The following GALNT13 variants were observed in gnomAD, a reference collection of about 807,000 sequenced individuals.
GALNT13 encodes the protein UDP-GalNAc:polypeptide N-acetylgalactosaminyltransferase 13.
A neutral mutation model predicts 64.2 loss-of-function variants in GALNT13; 28 were observed. The observed-to-expected ratio is 0.44, with a 90% CI of 0.32 to 0.60. GALNT13 has a LOEUF of 0.60. Among genes scored for constraint, GALNT13 ranks in the 20% least tolerant of loss-of-function variants. The probability of loss-of-function intolerance (pLI) is 0.05; values close to 1 mark genes in which losing one functional copy is unlikely to be tolerated. For missense variants in GALNT13, 577 were observed against 669.8 expected (o/e 0.86, Z 1.53); for synonymous variants, 214 against 224.6 (o/e 0.95, Z 0.42).
At chr2:154,426,430 A>G (rs1391125952) in intron 11 of GALNT13, among the ~76,000 whole-genome samples, 1 of 152,168 alleles carries the variant, frequency 6.6e-6, no homozygotes, top group Admixed American at 6.6e-5. Context: ...TCTGTCTTGC[A>G]CTTAAGGGAA....
the GALNT13 span, among the ~76,000 whole-genome samples, chr2:153,422,647 AAG>A: frequency 0.29 from 44,755 of 151,976 alleles, 7,605 homozygotes; most frequent in Non-Finnish European, 0.39. Context: ...GCAGATTAAT[AAG>A]AGAGAGAGGC....
At chr2:154,361,563 C>G (rs1036534756) in intron 9 of GALNT13, among the ~76,000 whole-genome samples, 2 of 151,982 alleles carry the variant, frequency 1.3e-5, no homozygotes, top group Non-Finnish European at 2.9e-5. Flanking sequence ...CTCTAATCCT[C>G]AAATCCCTCT....
the GALNT13 span, among the ~76,000 whole-genome samples, chr2:153,226,537 C>T: frequency 0.017 from 2,611 of 152,184 alleles, 79 homozygotes; most frequent in African/African-American, 0.06. Context: ...GAAAATGGTA[C>T]TTTACCTTGT....
the GALNT13 span, among the ~76,000 whole-genome samples, chr2:153,823,977 A>G: frequency 6.6e-6 from 1 of 152,198 alleles, no homozygotes; most frequent in African/African-American, 2.4e-5. Flanking sequence ...GATACTTCTC[A>G]AAAGAAGGCA....
intron 12 of GALNT13, among the ~76,000 whole-genome samples, chr2:154,448,179 C>T (rs913789921): frequency 2.6e-5 from 4 of 152,026 alleles, no homozygotes; most frequent in Non-Finnish European, 5.9e-5. Flanking sequence ...AATTACAAGT[C>T]TGCATTTAGA....
At chr2:153,516,890 T>G in the GALNT13 span, among the ~76,000 whole-genome samples, 6 of 152,044 alleles carry the variant, frequency 3.9e-5, no homozygotes, top group Non-Finnish European at 7.3e-5. Context: ...ATTCAAGTGC[T>G]CTCTTATCCT....
At chr2:153,215,872 A>G in the GALNT13 span, among the ~76,000 whole-genome samples, 2 of 151,934 alleles carry the variant, frequency 1.3e-5, no homozygotes, top group Non-Finnish European at 2.9e-5. Flanking sequence ...ACTTTGTAGT[A>G]TACAGTTGTA....
chr2:154,110,876 A>G (rs1702947069), intron 3 of GALNT13, among the ~76,000 whole-genome samples: 1 of 152,220 alleles, frequency 6.6e-6, no homozygotes, highest in Non-Finnish European at 1.5e-5. Flanking sequence ...GAGTAAGGTC[A>G]TAATTACTCC....
At chr2:153,946,900 G>A (rs759714849) in intron 3 of GALNT13, among the ~76,000 whole-genome samples, 3 of 151,986 alleles carry the variant, frequency 2.0e-5, no homozygotes, top group Non-Finnish European at 4.4e-5. Context: ...TTAGGAGTTT[G>A]CACCTTGTTT....
the GALNT13 span, among the ~76,000 whole-genome samples, chr2:153,505,209 TG>T: frequency 6.6e-6 from 1 of 152,190 alleles, no homozygotes; most frequent in Non-Finnish European, 1.5e-5. Context: ...TGTATTTCTG[TG>T]GTATCAGTAT....
At chr2:153,473,032 C>T in the GALNT13 span, among the ~76,000 whole-genome samples, 3 of 151,678 alleles carry the variant, frequency 2.0e-5, no homozygotes, top group Non-Finnish European at 2.9e-5. Context: ...CAGGGCTTGT[C>T]GGCGGGTGGG....
the GALNT13 span, among the ~76,000 whole-genome samples, chr2:153,638,756 G>T: frequency 6.6e-6 from 1 of 152,100 alleles, no homozygotes; most frequent in Non-Finnish European, 1.5e-5. Context: ...CGGGGTGGGG[G>T]TGTGTGTTCT....
At chr2:153,927,935 A>C (rs1053719127) in intron 2 of GALNT13, among the ~76,000 whole-genome samples, 2 of 152,148 alleles carry the variant, frequency 1.3e-5, no homozygotes, top group East Asian at 1.9e-4. Flanking sequence ...GTTGTTAAAA[A>C]TCAATCATTA....
intron 8 of GALNT13, among the ~76,000 whole-genome samples, chr2:154,269,212 CT>C (rs1424330793): frequency 1.3e-5 from 2 of 151,982 alleles, no homozygotes; most frequent in African/African-American, 4.8e-5. Flanking sequence ...AGTATCCAGA[CT>C]TTTTAAAAAT....
the GALNT13 span, among the ~76,000 whole-genome samples, chr2:153,314,777 T>A: frequency 6.6e-6 from 1 of 150,990 alleles, no homozygotes; most frequent in Admixed American, 6.6e-5. Flanking sequence ...ACAAAAGCAG[T>A]GCTTAGAGGG....
At chr2:153,427,724 C>T in the GALNT13 span, among the ~76,000 whole-genome samples, 1 of 152,146 alleles carries the variant, frequency 6.6e-6, no homozygotes, top group African/African-American at 2.4e-5. Context: ...TACACCAGCA[C>T]ATTCATATGG....
At chr2:153,125,992 C>T in the GALNT13 span, among the ~76,000 whole-genome samples, 69 of 151,858 alleles carry the variant, frequency 4.5e-4, no homozygotes, top group Non-Finnish European at 8.7e-4. Context: ...CGAATGAATG[C>T]AACTCAGATT....
the GALNT13 span, among the ~76,000 whole-genome samples, chr2:153,452,841 AGCT>A: frequency 1.3e-5 from 2 of 152,154 alleles, no homozygotes; most frequent in Admixed American, 6.5e-5. Context: ...AAAACAACAA[AGCT>A]GGAGGCATTA....
At chr2:154,450,386 ACTG>A in intron 12 of GALNT13, 22 bp from the exon 13 acceptor site, 1 of 1,591,848 alleles carries the variant, frequency 6.3e-7, no homozygotes, top group Non-Finnish European at 8.5e-7. Flanking sequence ...AATAAGCTGC[ACTG>A]ATTATTGGTT....
Sources: gnomAD v4.1 joint callset for allele counts (sites outside exome capture counted in the v4.1 genomes callset) on GRCh38, gnomAD v4.1.1 for gene constraint, MANE v1.5 for transcripts, NCBI Gene and HGNC (gene_info 2026-07-23, HGNC 2026-07-21) for gene names.